Variants in ZNF641 observed in about 807,000 individuals in gnomAD.
ZNF641 encodes zinc finger protein 641.
A neutral mutation model predicts 46.2 loss-of-function variants in ZNF641; 26 were observed. That is an observed-to-expected ratio of 0.56 (90% CI 0.41 to 0.78). ZNF641 has a LOEUF of 0.78. Ranked by LOEUF, ZNF641 falls within the 30% of genes least tolerant of loss-of-function variation. The probability of loss-of-function intolerance (pLI) is 0.00; values close to 1 mark genes in which losing one functional copy is unlikely to be tolerated. For missense variants in ZNF641, 469 were observed against 517.8 expected, an observed-to-expected ratio of 0.91 and a Z score of 0.91; for synonymous variants, 163 against 187.9, an observed-to-expected ratio of 0.87 and a Z score of 1.09.
Position 48,341,103 on chromosome 12 carries a change from T to A in ZNF641, c.*1870A>T. Reference sequence around the variant, plus strand: ...TAAGAAGCCCAGTCAGCAAAATAAGTCTATCTTCAATTCTAGTTGAGTCCA... The same window carrying A: ...TAAGAAGCCCAGTCAGCAAAATAAGACTATCTTCAATTCTAGTTGAGTCCA... On this transcript the variant is annotated 3_prime_UTR_variant, in exon 6 of 6. Coordinates refer to ENST00000547026, the MANE Select transcript of ZNF641 (RefSeq NM_001172681.2). The A allele has an allele frequency of 1.0e-6, 1 of 984,394 alleles. No homozygotes were observed. Among genetic ancestry groups the A allele is most frequent in the Non-Finnish European group, 1.2e-6 (1 of 828,904 alleles). The allele number at this position is 984,394 out of a possible 1,614,324, so 61.0% of individuals were successfully genotyped here.
In ZNF641 at chr12:48,350,158, C is replaced by A; in HGVS notation, c.-26+628G>T. On this transcript the variant is annotated intron_variant, in intron 1 of 5. Transcript: ENST00000547026. Reference sequence around the variant, plus strand: ...TTCCAGGATGATCCCATGCCCACTGCAGTGTGGGTTCTAGGGCTTTCATTT... The same window carrying A: ...TTCCAGGATGATCCCATGCCCACTGAAGTGTGGGTTCTAGGGCTTTCATTT... The A allele has an allele frequency of 1.9e-6, 3 of 1,604,788 alleles. 1 individual carries two copies. The highest frequency in any genetic ancestry group is 1.1e-5 in the South Asian group (1 of 89,728).
In ZNF641 at chr12:48,345,152, T is replaced by C. The variant is rs562086624; in HGVS notation, c.406+193A>G. Among the ~76,000 whole-genome samples the C allele has an allele frequency of 5.9e-5, 9 of 151,982 alleles. No individual in the cohort carries two copies. In the East Asian group the frequency reaches 9.7e-4, roughly 16 times the overall value. ...CACAATTAAGCATCATTTGCTTTTT[T>C]ACTTTTTTTTTTTTAATGATATTTA... On this transcript the variant is annotated intron_variant, in intron 4 of 5. Coordinates refer to ENST00000547026, the MANE Select transcript of ZNF641 (RefSeq NM_001172681.2).
rs1470315496 is a variant in ZNF641, at chr12:48,341,931, G to C, written c.*1042C>G. The C allele has an allele frequency of 1.0e-6, 1 of 985,252 alleles. No individual in the cohort carries two copies. The highest frequency in any genetic ancestry group is 1.2e-6 in the Non-Finnish European group (1 of 829,948). 61.0% of individuals were successfully genotyped at this position (985,252 alleles called of 1,614,324 possible). On this transcript the variant is annotated 3_prime_UTR_variant, in exon 6 of 6. Transcript: ENST00000547026. ...TTCTCCCTTAACCAGACTGCTTCCT[G>C]TCTTGAAACAAAGAAAAAACCCCAT...
At position 48,341,815 on chromosome 12, in the gene ZNF641, C is replaced by G. The variant is rs956770759; in HGVS notation, c.*1158G>C. 2 of 985,356 alleles carry G rather than the reference C, an allele frequency of 2.0e-6. No individual in the cohort carries two copies. The highest frequency in any genetic ancestry group is 2.4e-6 in the Non-Finnish European group (2 of 829,932). The allele number at this position is 985,356 out of a possible 1,614,324, so 61.0% of individuals were successfully genotyped here. On this transcript the variant is annotated 3_prime_UTR_variant, in exon 6 of 6. Transcript: ENST00000547026. ...CAATCTGCAGCCCAGAGATTCAAAC[C>G]TAGACATACACATCCACAATTGTCT...
chr12:48,347,960 A>C lies in ZNF641; in HGVS notation c.131T>G (p.Leu44Arg). 6.2e-7 allele frequency: 1 copy of C among 1,614,106 alleles called. No homozygotes were observed. Among genetic ancestry groups the C allele is most frequent in the Middle Eastern group, 1.6e-4 (1 of 6,062 alleles). ...TTCAAGGTCACAGCACAGGTGCTCCAGAGGTCCTGGTACTGTTCTCCATGG... is the reference window on the plus strand; with the variant it reads ...TTCAAGGTCACAGCACAGGTGCTCCCGAGGTCCTGGTACTGTTCTCCATGG... ...ERPWRTVPGP[L>R]EHLCCDLEEE... is the part of the protein sequence containing the mutation. Residue 44 changes from leucine (L) to arginine (R), a missense_variant, in exon 2 of 6, where the codon CTG becomes CGG. By Grantham distance (102) the Leu-to-Arg change is moderately radical (BLOSUM62 -2). Transcript: ENST00000547026.
At chr12:48,346,713 TAAAAACCCTAACCTTGGCCAGGC>T (rs1458335296) in intron 3 of ZNF641, among the ~76,000 whole-genome samples, 1 of 152,118 alleles carries the variant, frequency 6.6e-6, no homozygotes, top group East Asian at 1.9e-4. Context: ...AGCCATCCAT[TAAAAACCCTAACCTTGGCCAGGC>T]ACGGTGGCTC....
intron 5 of ZNF641, among the ~76,000 whole-genome samples, chr12:48,344,067 A>T (rs1952795797): frequency 6.6e-6 from 1 of 152,210 alleles, no homozygotes; most frequent in Non-Finnish European, 1.5e-5. Context: ...AGTAAATTGT[A>T]TATGTTATTG....
chr12:48,345,261 CA>C, intron 4 of ZNF641, 83 bp downstream of exon 4: 3 of 1,523,690 alleles, frequency 2.0e-6, no homozygotes, highest in Non-Finnish European at 2.7e-6. Context: ...GAGTCCTAGA[CA>C]GACACTATCC....
chr12:48,347,314 G>A lies in ZNF641; in HGVS notation c.214C>T (p.Pro72Ser). The A allele has an allele frequency of 1.2e-6, 2 of 1,613,344 alleles. No individual in the cohort carries two copies. The highest frequency in any genetic ancestry group is 1.7e-6 in the Non-Finnish European group (2 of 1,179,496). Residue 72 changes from proline (P) to serine (S), a missense_variant, in exon 3 of 6, where the codon CCC becomes TCC. Physicochemically the swap from Pro to Ser is moderately conservative, Grantham distance 74. Coordinates refer to ENST00000547026, the MANE Select transcript of ZNF641 (RefSeq NM_001172681.2). ...AQSAPWVPAIPQEGNTGDWEM... is the reference protein window; with the variant it reads ...AQSAPWVPAISQEGNTGDWEM... Reference sequence around the variant, plus strand: ...CAGTCTCCAGTGTTCCCCTCCTGGGGAATTGCAGGAACCCAGGGAGCAGAC... The same window carrying A: ...CAGTCTCCAGTGTTCCCCTCCTGGGAAATTGCAGGAACCCAGGGAGCAGAC...
rs114558568 is a variant in ZNF641, at chr12:48,341,201, T to C, written c.*1772A>G. On this transcript the variant is annotated 3_prime_UTR_variant, in exon 6 of 6. Transcript: ENST00000547026. Reference sequence around the variant, plus strand: ...AGTCGCTAAACTAAATTGGTGCAATTCACTTCCTCTTGCCTCTCTGGTTCA... The same window carrying C: ...AGTCGCTAAACTAAATTGGTGCAATCCACTTCCTCTTGCCTCTCTGGTTCA... 5.7e-4 allele frequency: 563 copies of C among 985,446 alleles called. 3 individuals carry two copies. In the African/African-American group the frequency reaches 9.0e-3, roughly 16 times the overall value. The allele number at this position is 985,446 out of a possible 1,614,324, so 61.0% of individuals were successfully genotyped here.
In ZNF641 at chr12:48,343,288, A is replaced by G; in HGVS notation, c.960T>C (p.His320=). The G allele has an allele frequency of 6.2e-7, 1 of 1,614,212 alleles. No homozygotes were observed. The change falls in exon 6 of 6, where the codon CAT becomes CAC. Residue 320 remains histidine (H), a synonymous_variant. Transcript: ENST00000547026. ...ECGKNFRCNS[H]LASHQRVHAE... ...CATGCACTCTCTGGTGGCTGGCCAG[A>G]TGGGAGTTGCATCGGAAATTCTTAC...
At chr12:48,344,751 C>A in intron 4 of ZNF641, 39 bp from the exon 5 acceptor site, 2 of 1,188,316 alleles carry the variant, frequency 1.7e-6, no homozygotes, top group South Asian at 1.3e-5. Flanking sequence ...TCAATTAGTT[C>A]AACAGCAATT....
upstream of ZNF641, chr12:48,351,058 C>A (rs1181909564): frequency 3.0e-5 from 4 of 133,692 alleles, no homozygotes; most frequent in Non-Finnish European, 6.6e-5. Context: ...CGGGAGGGGG[C>A]GGGGCTGCGG....
chr12:48,344,628 T>C lies in ZNF641; in HGVS notation c.491A>G (p.Glu164Gly). Residue 164 changes from glutamate (E) to glycine (G), a missense_variant, in exon 5 of 6, where the codon GAG (glutamate) becomes GGG (glycine). This residue lies in a region of ZNF641 where 346 missense variants were observed against 354.0 expected (regional missense o/e 0.98). Coordinates refer to ENST00000547026, the MANE Select transcript of ZNF641 (RefSeq NM_001172681.2). ...ATATGTGACCCTCAGAATGTCCCTC[T>C]CCTCTAAGTCCTGGGGGTCAGGGAC... Reference protein sequence around the residue: ...QWVPDPQDLEERDILRVTYTG... With the variant: ...QWVPDPQDLEGRDILRVTYTG... The C allele has an allele frequency of 6.2e-7, 1 of 1,613,378 alleles. No homozygotes were observed. The highest frequency in any genetic ancestry group is 1.1e-5 in the South Asian group (1 of 91,020).
At chr12:48,348,622 G>A (rs529031112) in intron 1 of ZNF641, among the ~76,000 whole-genome samples, 2 of 152,342 alleles carry the variant, frequency 1.3e-5, no homozygotes, top group South Asian at 4.1e-4. Context: ...ACCAAGGGGC[G>A]TATTTGTATC....
chr12:48,342,354 A>G lies in ZNF641; in HGVS notation c.*619T>C. On this transcript the variant is annotated 3_prime_UTR_variant, in exon 6 of 6. Coordinates refer to ENST00000547026, the MANE Select transcript of ZNF641 (RefSeq NM_001172681.2). ...ACAAGGTCTGGCCCCCCTGGCTTTC[A>G]TATGGATAAAAAAGGGGGCTCTGGA... The G allele has an allele frequency of 3.0e-6, 3 of 985,796 alleles. No homozygotes were observed. The highest frequency in any genetic ancestry group is 3.6e-6 in the Non-Finnish European group (3 of 830,252). 61.1% of individuals were successfully genotyped at this position (985,796 alleles called of 1,614,324 possible). A position where few individuals can be genotyped will look rare whatever the true frequency, so the allele number is the denominator to read the frequency against.
chr12:48,336,799 G>A (rs1040735421), downstream of ZNF641, among the ~76,000 whole-genome samples: 11 of 152,198 alleles, frequency 7.2e-5, no homozygotes, highest in Non-Finnish European at 1.2e-4. Flanking sequence ...AGATCTTCAA[G>A]AGCAGGGTCA....
chr12:48,336,703 C>G (rs1220937317), downstream of ZNF641, among the ~76,000 whole-genome samples: 2 of 152,210 alleles, frequency 1.3e-5, no homozygotes, highest in African/African-American at 4.8e-5. Context: ...TGCAAACATG[C>G]CTCTAAGGGG....
downstream of ZNF641, among the ~76,000 whole-genome samples, chr12:48,334,856 A>G (rs1252215916): frequency 1.3e-5 from 2 of 152,052 alleles, no homozygotes; most frequent in African/African-American, 2.4e-5. Context: ...CCGCACCTGT[A>G]CCCTCCCTAT....
Sources: gnomAD v4.1 joint callset for allele counts (sites outside exome capture counted in the v4.1 genomes callset) on GRCh38, gnomAD v4.1.1 for gene constraint, gnomAD v4.1.1 regional missense constraint, MANE v1.5 for transcripts, NCBI Gene and HGNC (gene_info 2026-07-23, HGNC 2026-07-21) for gene names.